DLG5: variants seen among roughly 807,000 people sequenced by gnomAD.
DLG5 encodes the protein discs large MAGUK scaffold protein 5.
A neutral mutation model predicts 189.8 loss-of-function variants in DLG5; 48 were observed. That is an observed-to-expected ratio of 0.25 (90% CI 0.20 to 0.32). The LOEUF (loss-of-function observed/expected upper bound fraction) is 0.32, where lower values mean the gene tolerates loss of function less well. Among genes scored for constraint, DLG5 ranks in the 10% least tolerant of loss-of-function variants. DLG5 has a pLI of 1.00. For synonymous variants in DLG5, 1,016 were observed against 1,054.1 expected, an observed-to-expected ratio of 0.96 and a Z score of 0.70; for missense variants, 2,160 against 2,544.7, an observed-to-expected ratio of 0.85 and a Z score of 3.25.
rs550335548 is a variant in DLG5, at chr10:77,830,279, C to G, written c.1947G>C (p.Pro649=). The G allele has an allele frequency of 3.7e-6, 6 of 1,614,064 alleles. No individual in the cohort carries two copies. Among genetic ancestry groups the G allele is most frequent in the Non-Finnish European group, 5.1e-6 (6 of 1,180,046 alleles). The change falls in exon 11 of 32, where the codon CCG becomes CCC. Residue 649 remains proline, a synonymous_variant. Transcript: ENST00000372391. ...MAEGVNEPCF[P]GDCGIFVTKV... is the part of the protein sequence containing the mutation. ...TAGTGACAAATATGCCACAGTCCCC[C>G]GGGAAACAAGGCTCATTCACACCTT...
chr10:77,855,908 A>G (rs570924737), intron 3 of DLG5, among the ~76,000 whole-genome samples: 1 of 152,338 alleles, frequency 6.6e-6, no homozygotes, highest in Non-Finnish European at 1.5e-5. Context: ...AAGTCCTCTT[A>G]GATCATGCAG....
rs1240588372 is a variant in DLG5, at chr10:77,791,359, C to T, written c.*1081G>A. The T allele has an allele frequency of 6.7e-6, 1 of 149,652 alleles. No homozygotes were observed. Among genetic ancestry groups the T allele is most frequent in the Non-Finnish European group, 1.5e-5 (1 of 67,584 alleles). 9.3% of individuals were successfully genotyped at this position (149,652 alleles called of 1,614,324 possible). ...TCAGAAGTGCAAAAAAAAAAAAAGCCCCCAAACGAAGACACCCACACTGAG... is the reference window on the plus strand; with the variant it reads ...TCAGAAGTGCAAAAAAAAAAAAAGCTCCCAAACGAAGACACCCACACTGAG... On this transcript the variant is annotated 3_prime_UTR_variant, in exon 32 of 32. Coordinates refer to ENST00000372391, the MANE Select transcript of DLG5 (RefSeq NM_004747.4).
chr10:77,868,857 G>T (rs544397048), intron 2 of DLG5: 10 of 483,096 alleles, frequency 2.1e-5, no homozygotes, highest in Admixed American at 3.8e-5. Flanking sequence ...GGTGGGGATG[G>T]TGGGTCAACA....
At chr10:77,808,019 C>A in intron 24 of DLG5, 75 bp from the exon 25 acceptor site, 1 of 1,560,846 alleles carries the variant, frequency 6.4e-7, no homozygotes, top group South Asian at 1.2e-5. Flanking sequence ...GGGGCCAGTG[C>A]TGACCATACG....
chr10:77,793,875 A>C, intron 31 of DLG5, 133 bp downstream of exon 31: 1 of 737,948 alleles, frequency 1.4e-6, no homozygotes, highest in Non-Finnish European at 2.3e-6. Context: ...CTGACTTGTC[A>C]GGAACGTGCT....
chr10:77,795,605 G>T (rs1840871472), intron 29 of DLG5, among the ~76,000 whole-genome samples: 2 of 152,104 alleles, frequency 1.3e-5, no homozygotes, highest in Admixed American at 1.3e-4. Context: ...AGACGTCCCC[G>T]CCCTCGTGCT....
chr10:77,858,883 G>A (rs1844359891), intron 2 of DLG5, among the ~76,000 whole-genome samples: 1 of 152,066 alleles, frequency 6.6e-6, no homozygotes, highest in South Asian at 2.1e-4. Context: ...TTGTGTGTGT[G>A]TGTTTTTTTG....
At chr10:77,815,159 C>T (rs549167727) in intron 20 of DLG5, among the ~76,000 whole-genome samples, 3 of 152,320 alleles carry the variant, frequency 2.0e-5, no homozygotes, top group African/African-American at 7.2e-5. Context: ...GGGAAGGTCC[C>T]GTCCTCTCTG....
At chr10:77,793,344 C>T (rs1840736560) in intron 31 of DLG5, among the ~76,000 whole-genome samples, 1 of 152,090 alleles carries the variant, frequency 6.6e-6, no homozygotes, top group South Asian at 2.1e-4. Context: ...AGCCCAGGTC[C>T]CTGGACTAGA....
At chr10:77,807,032 G>T in intron 25 of DLG5, 104 bp from the exon 26 acceptor site, 1 of 1,330,578 alleles carries the variant, frequency 7.5e-7, no homozygotes, top group Non-Finnish European at 1.0e-6. Context: ...TCTGCTTTGG[G>T]CTGTCTCCAA....
At chr10:77,805,600 GAGC>G in intron 27 of DLG5, 62 bp downstream of exon 27, 1 of 1,503,758 alleles carries the variant, frequency 6.7e-7, no homozygotes, top group Non-Finnish European at 9.0e-7. Context: ...CCCTGTTGTG[GAGC>G]TCCTGGATCC....
At chr10:77,809,466 T>C in intron 24 of DLG5, 81 bp downstream of exon 24, 1 of 1,468,432 alleles carries the variant, frequency 6.8e-7, no homozygotes, top group South Asian at 1.3e-5. Context: ...TACTCCTCCG[T>C]CTTTGGTGCC....
intron 1 of DLG5, among the ~76,000 whole-genome samples, chr10:77,922,011 T>C (rs1846549298): frequency 6.6e-6 from 1 of 152,188 alleles, no homozygotes; most frequent in African/African-American, 2.4e-5. Flanking sequence ...GTGTGTAGCA[T>C]ACCGAGTTTT....
rs977662569 is a variant in DLG5, at chr10:77,807,697, G to T, written c.4796+99C>A. On this transcript the variant is annotated intron_variant, in intron 25 of 31. Transcript: ENST00000372391. ...AATGATGATCATGGCCCCAGCCTTG[G>T]GGGGCAAGAAACAGAGAGCCATTCA... The T allele has an allele frequency of 3.2e-5, 44 of 1,390,194 alleles. No individual in the cohort carries two copies. In the African/African-American group the frequency reaches 5.5e-4, roughly 17 times the overall value. The allele number at this position is 1,390,194 out of a possible 1,614,324, so 86.1% of individuals were successfully genotyped here. A position where few individuals can be genotyped will look rare whatever the true frequency, so the allele number is the denominator to read the frequency against.
chr10:77,828,486 CAAAAAAAAAA>C (rs34839290), intron 13 of DLG5, among the ~76,000 whole-genome samples: 6 of 66,494 alleles, frequency 9.0e-5, no homozygotes, highest in African/African-American at 2.4e-4. Flanking sequence ...GACTCCATAT[CAAAAAAAAAA>C]AAAAAAAAAA....
intron 30 of DLG5, among the ~76,000 whole-genome samples, chr10:77,794,326 CA>C (rs1439102988): frequency 1.3e-5 from 2 of 152,236 alleles, no homozygotes; most frequent in Non-Finnish European, 2.9e-5. Context: ...CCAGCACACA[CA>C]CTTGGAACAG....
chr10:77,874,892 G>A (rs759964685), intron 1 of DLG5, among the ~76,000 whole-genome samples: 27 of 152,182 alleles, frequency 1.8e-4, no homozygotes, highest in Non-Finnish European at 3.2e-4. Context: ...GTACTAGAGT[G>A]ACAAGTCACA....
chr10:77,813,824 G>A (rs1187825337), intron 20 of DLG5, among the ~76,000 whole-genome samples: 2 of 152,226 alleles, frequency 1.3e-5, no homozygotes, highest in African/African-American at 4.8e-5. Flanking sequence ...ACACCACGGG[G>A]TGGGGAGGCC....
chr10:77,885,126 A>AC (rs1405303158), intron 1 of DLG5, among the ~76,000 whole-genome samples: 3 of 151,892 alleles, frequency 2.0e-5, no homozygotes, highest in Non-Finnish European at 2.9e-5. Flanking sequence ...TCGCCCTAAA[A>AC]CCCTATAGCA....
Sources: gnomAD v4.1 joint callset for allele counts (sites outside exome capture counted in the v4.1 genomes callset) on GRCh38, gnomAD v4.1.1 for gene constraint, MANE v1.5 for transcripts, NCBI Gene and HGNC (gene_info 2026-07-23, HGNC 2026-07-21) for gene names.